SKAP2: variants seen among roughly 807,000 people sequenced by gnomAD.
SKAP2 encodes the protein src kinase-associated phosphoprotein 2.
A neutral mutation model predicts 54.9 loss-of-function variants in SKAP2; 28 were observed. The ratio of observed to expected loss-of-function variants is 0.51; its 90% CI spans 0.38 to 0.70. SKAP2 has a LOEUF of 0.70. Ranked by LOEUF, SKAP2 falls within the 30% of genes least tolerant of loss-of-function variation. SKAP2 has a pLI of 0.00. For missense variants in SKAP2, 356 were observed against 424.1 expected (o/e 0.84, Z 1.41); for synonymous variants, 137 against 134.3 (o/e 1.02, Z -0.14).
At chr7:26,752,545 C>T (rs925295889) in intron 4 of SKAP2, among the ~76,000 whole-genome samples, 6 of 152,128 alleles carry the variant, frequency 3.9e-5, no homozygotes, top group Non-Finnish European at 8.8e-5. Context: ...ACACCCTGCA[C>T]AATTTTCAGA....
chr7:26,828,907 A>G (rs668052), intron 4 of SKAP2, among the ~76,000 whole-genome samples: 128,325 of 151,624 alleles, frequency 0.85, 54,695 homozygotes, highest in East Asian at 0.99. Context: ...TGCGCTTGTA[A>G]TCCCAGCTAC....
At chr7:26,671,777 A>G (rs983070284) in intron 11 of SKAP2, among the ~76,000 whole-genome samples, 16 of 152,182 alleles carry the variant, frequency 1.1e-4, no homozygotes, top group East Asian at 5.8e-4. Context: ...CCAGAACCCA[A>G]TGATGGCTAT....
Position 26,726,939 on chromosome 7 carries a change from C to G in SKAP2, c.537G>C (p.Lys179Asn). ...CAAAACAGCAATCTTTCTTTCCATC[C>G]TTTCTTAGAGTGTTATTCATTCTGA... ...YSVRMNNTLR[K>N]DGKKDCCFEI... Residue 179 changes from lysine to asparagine, a missense_variant, in exon 7 of 13, where the codon AAG becomes AAC. Physicochemically the swap from Lys to Asn is moderately conservative, Grantham distance 94. Coordinates refer to ENST00000345317, the MANE Select transcript of SKAP2 (RefSeq NM_003930.5). 1.2e-6 allele frequency: 2 copies of G among 1,610,734 alleles called. No individual in the cohort carries two copies. Among genetic ancestry groups the G allele is most frequent in the Non-Finnish European group, 1.7e-6 (2 of 1,178,078 alleles).
intron 4 of SKAP2, among the ~76,000 whole-genome samples, chr7:26,838,047 T>TCAC (rs1784750425): frequency 6.6e-6 from 1 of 152,180 alleles, no homozygotes; most frequent in Non-Finnish European, 1.5e-5. Flanking sequence ...GTACTCTACT[T>TCAC]CATAGAGATA....
intron 4 of SKAP2, among the ~76,000 whole-genome samples, chr7:26,755,507 T>G (rs1453100731): frequency 6.6e-6 from 1 of 152,170 alleles, no homozygotes. Context: ...GTAAAGGATA[T>G]GAACCCAGTA....
At chr7:26,797,132 C>T (rs1414834813) in intron 4 of SKAP2, among the ~76,000 whole-genome samples, 4 of 152,222 alleles carry the variant, frequency 2.6e-5, no homozygotes, top group Non-Finnish European at 4.4e-5. Flanking sequence ...TAGGGGACCT[C>T]GCTGCCTTGA....
chr7:26,661,940 G>A, the SKAP2 span, among the ~76,000 whole-genome samples: 2 of 152,016 alleles, frequency 1.3e-5, no homozygotes, highest in African/African-American at 2.4e-5. Context: ...ATCCTGACAG[G>A]GCAGAGAGAA....
chr7:26,722,855 T>G (rs926163464), intron 9 of SKAP2, among the ~76,000 whole-genome samples: 1 of 152,236 alleles, frequency 6.6e-6, no homozygotes, highest in African/African-American at 2.4e-5. Flanking sequence ...AGTAGCATAA[T>G]AAATGCTTAG....
chr7:26,713,440 A>G (rs1174779184), intron 9 of SKAP2, among the ~76,000 whole-genome samples: 2 of 152,184 alleles, frequency 1.3e-5, no homozygotes, highest in Non-Finnish European at 2.9e-5. Context: ...AATTAAGTGA[A>G]TAATAATAAG....
chr7:26,844,029 C>T lies in SKAP2; in HGVS notation c.307+1G>A. 6.3e-7 allele frequency: 1 copy of T among 1,574,882 alleles called. No individual in the cohort carries two copies. Among genetic ancestry groups the T allele is most frequent in the Non-Finnish European group, 8.7e-7 (1 of 1,145,176 alleles). Reference sequence around the variant, plus strand: ...GAGTTACGTGGGAAAATGTCACATACCATCAGAGGGGGCTTCATCGTCTTT... The same window carrying T: ...GAGTTACGTGGGAAAATGTCACATATCATCAGAGGGGGCTTCATCGTCTTT... On this transcript the variant is annotated splice_donor_variant, in intron 4 of 12. Coordinates refer to ENST00000345317, the MANE Select transcript of SKAP2 (RefSeq NM_003930.5). LOFTEE classifies it high-confidence loss of function.
intron 9 of SKAP2, among the ~76,000 whole-genome samples, chr7:26,706,009 G>T (rs904209437): frequency 6.6e-6 from 1 of 152,114 alleles, no homozygotes; most frequent in African/African-American, 2.4e-5. Context: ...ACATTCTGCT[G>T]CTAGAAACTC....
At chr7:26,749,260 G>C (rs1427911397) in intron 4 of SKAP2, among the ~76,000 whole-genome samples, 1 of 152,040 alleles carries the variant, frequency 6.6e-6, no homozygotes, top group Non-Finnish European at 1.5e-5. Context: ...ACATAATAAA[G>C]ATTAGCATAA....
intron 9 of SKAP2, among the ~76,000 whole-genome samples, chr7:26,717,891 A>G (rs558427967): frequency 3.9e-5 from 6 of 152,028 alleles, no homozygotes; most frequent in Middle Eastern, 6.8e-3. Context: ...TATTTTTTTA[A>G]AAGTGTCAAG....
chr7:26,666,902 C>T (rs1327945154), downstream of SKAP2, among the ~76,000 whole-genome samples: 1 of 152,144 alleles, frequency 6.6e-6, no homozygotes, highest in East Asian at 1.9e-4. Flanking sequence ...GATGACAGCC[C>T]TATTTCATTT....
chr7:26,824,210 G>C (rs546034124), intron 4 of SKAP2, among the ~76,000 whole-genome samples: 1 of 152,242 alleles, frequency 6.6e-6, no homozygotes, highest in East Asian at 1.9e-4. Context: ...CCAGCAAAAA[G>C]GTTATAATTC....
chr7:26,709,923 G>C (rs1248858617), intron 9 of SKAP2, among the ~76,000 whole-genome samples: 1 of 152,118 alleles, frequency 6.6e-6, no homozygotes, highest in Non-Finnish European at 1.5e-5. Context: ...CATTTCCTAA[G>C]TTTATTTGAG....
At chr7:26,762,459 A>G (rs181942893) in intron 4 of SKAP2, among the ~76,000 whole-genome samples, 1 of 152,224 alleles carries the variant, frequency 6.6e-6, no homozygotes, top group Non-Finnish European at 1.5e-5. Flanking sequence ...TGTAAAATGT[A>G]TGCATATGTA....
intron 11 of SKAP2, among the ~76,000 whole-genome samples, chr7:26,681,347 G>C (rs1318747097): frequency 3.3e-5 from 5 of 152,210 alleles, no homozygotes; most frequent in Admixed American, 6.5e-5. Flanking sequence ...GGGAGGCTGA[G>C]GCAGGAGAAT....
intron 9 of SKAP2, among the ~76,000 whole-genome samples, chr7:26,714,177 A>C (rs1418535767): frequency 6.6e-6 from 1 of 152,176 alleles, no homozygotes; most frequent in Non-Finnish European, 1.5e-5. Flanking sequence ...TTGTGTGCTT[A>C]AGAGAAGCAC....
Sources: allele counts gnomAD v4.1 joint callset (sites outside exome capture counted in the v4.1 genomes callset), GRCh38; gene constraint gnomAD v4.1.1; transcripts MANE v1.5; gene names NCBI Gene and HGNC (gene_info 2026-07-23, HGNC 2026-07-21).